The following PDE1A variants were observed in gnomAD, a reference collection of about 807,000 sequenced individuals.
PDE1A encodes the protein dual specificity calcium/calmodulin-dependent 3',5'-cyclic nucleotide phosphodiesterase 1A.
PDE1A carries 35 observed loss-of-function variants against 61.7 expected under a neutral mutation model. The ratio of observed to expected loss-of-function variants is 0.57; its 90% CI spans 0.43 to 0.75. The LOEUF (loss-of-function observed/expected upper bound fraction) is 0.75. PDE1A is among the 30% of genes least tolerant of loss of function. The probability of loss-of-function intolerance (pLI) is 0.00; values close to 1 mark genes in which losing one functional copy is unlikely to be tolerated. For synonymous variants in PDE1A, 232 were observed against 213.2 expected (o/e 1.09, Z -0.77); for missense variants, 597 against 630.6 (o/e 0.95, Z 0.57).
chr2:182,365,309 C>A lies in PDE1A; in HGVS notation c.53+61269G>T, dbSNP rs889861683. ...ATATAGGTGATTCCTCTTTTGCAAG[C>A]TAACCATTAAAATAACTCATTATTT... On this transcript the variant is annotated intron_variant, in intron 1 of 13. Coordinates refer to ENST00000351439, the Ensembl canonical transcript of PDE1A. Among the ~76,000 whole-genome samples, 4 of 152,088 alleles carry A rather than the reference C, an allele frequency of 2.6e-5. No individual in the cohort carries two copies. In the South Asian group the frequency reaches 6.2e-4, roughly 24 times the overall value.
chr2:182,695,666 CAAAAAAAAAAAAAAAAAAA>C, the PDE1A span, among the ~76,000 whole-genome samples: 1 of 32,902 alleles, frequency 3.0e-5, no homozygotes, highest in Admixed American at 4.1e-4. Flanking sequence ...GGCCCTCTCT[CAAAAAAAAAAAAAAAAAAA>C]GAAAAAGAAA....
At chr2:182,379,288 T>G (rs2125301230) in intron 1 of PDE1A, among the ~76,000 whole-genome samples, 1 of 152,346 alleles carries the variant, frequency 6.6e-6, no homozygotes, top group East Asian at 1.9e-4. Context: ...TCCTGCAATG[T>G]TAAAAGCCAG....
the PDE1A span, among the ~76,000 whole-genome samples, chr2:182,687,283 C>G: frequency 6.6e-6 from 1 of 152,200 alleles, no homozygotes; most frequent in Non-Finnish European, 1.5e-5. Flanking sequence ...AGGCACCCCC[C>G]AGTAGGGGCA....
chr2:182,597,738 C>T, the PDE1A span, among the ~76,000 whole-genome samples: 2 of 152,164 alleles, frequency 1.3e-5, no homozygotes, highest in African/African-American at 2.4e-5. Context: ...CAGGCATTGT[C>T]AAGTCCCCAG....
chr2:182,423,209 C>T (rs1285181440), intron 1 of PDE1A, among the ~76,000 whole-genome samples: 1 of 152,050 alleles, frequency 6.6e-6, no homozygotes, highest in Non-Finnish European at 1.5e-5. Context: ...AAAATATATA[C>T]CTAAAATTTC....
At chr2:182,646,608 C>T in the PDE1A span, among the ~76,000 whole-genome samples, 61,399 of 151,216 alleles carry the variant, frequency 0.41, 13,912 homozygotes, top group Admixed American at 0.54. Flanking sequence ...CGCTTGAACC[C>T]GGGAGGCGGA....
chr2:182,406,833 A>C (rs930564128), intron 1 of PDE1A, among the ~76,000 whole-genome samples: 1 of 152,082 alleles, frequency 6.6e-6, no homozygotes, highest in South Asian at 2.1e-4. Flanking sequence ...TTTTAAAATT[A>C]TATTAATAAA....
intron 2 of PDE1A, among the ~76,000 whole-genome samples, chr2:182,440,579 T>A (rs1049402438): frequency 6.7e-6 from 1 of 148,190 alleles, no homozygotes; most frequent in Admixed American, 6.7e-5. Flanking sequence ...ATTTCTGCAT[T>A]ATTAAAACAA....
intron 13 of PDE1A, among the ~76,000 whole-genome samples, chr2:182,161,776 T>G (rs1464234450): frequency 6.6e-6 from 1 of 152,102 alleles, no homozygotes; most frequent in African/African-American, 2.4e-5. Context: ...GAATGGATAT[T>G]AAGGATGTGG....
intron 2 of PDE1A, among the ~76,000 whole-genome samples, chr2:182,440,603 T>C (rs1684726843): frequency 6.6e-6 from 1 of 152,068 alleles, no homozygotes; most frequent in Admixed American, 6.6e-5. Context: ...ATATTCTAAA[T>C]AAAATACTTT....
rs1051333533 is a variant in PDE1A, at chr2:182,213,133, G to A, written c.777-7068C>T. Among the ~76,000 whole-genome samples the A allele has an allele frequency of 1.4e-4, 21 of 150,830 alleles. 1 individual carries two copies. The East Asian group carries it at 2.0e-3, about 14-fold the overall frequency. On this transcript the variant is annotated intron_variant, in intron 7 of 13. Coordinates refer to ENST00000351439, the Ensembl canonical transcript of PDE1A. ...CCCTGACCCCCGAGCAGCCTAACTGGGAGGCACCCCCCAGCAGGGGCAGAC... is the reference window on the plus strand; with the variant it reads ...CCCTGACCCCCGAGCAGCCTAACTGAGAGGCACCCCCCAGCAGGGGCAGAC...
At chr2:182,528,833 C>T in the PDE1A span, among the ~76,000 whole-genome samples, 3 of 152,218 alleles carry the variant, frequency 2.0e-5, no homozygotes, top group Admixed American at 2.0e-4. Flanking sequence ...AAGCCCCAAG[C>T]CTTGGCAGCT....
chr2:182,611,496 G>A, the PDE1A span, among the ~76,000 whole-genome samples: 1 of 152,182 alleles, frequency 6.6e-6, no homozygotes, highest in Non-Finnish European at 1.5e-5. Flanking sequence ...TAGACAGTCT[G>A]TAAATTTAAA....
At chr2:182,348,948 G>A (rs752521120) in intron 1 of PDE1A, among the ~76,000 whole-genome samples, 8 of 152,090 alleles carry the variant, frequency 5.3e-5, no homozygotes, top group South Asian at 4.1e-4. Context: ...TTGAATTTCC[G>A]TAAAAAGTGT....
intron 1 of PDE1A, among the ~76,000 whole-genome samples, chr2:182,295,057 C>CTTTTATTTTTT (rs1694785764): frequency 1.7e-5 from 1 of 59,350 alleles, no homozygotes; most frequent in Non-Finnish European, 3.0e-5. Context: ...AAAAGGTAAT[C>CTTTTATTTTTT]TTTTTTTTTT....
intron 2 of PDE1A, among the ~76,000 whole-genome samples, chr2:182,464,015 T>C (rs1574721771): frequency 6.6e-6 from 1 of 152,216 alleles, no homozygotes; most frequent in Non-Finnish European, 1.5e-5. Context: ...ACTCTATCTG[T>C]TAGATAAGTG....
chr2:182,218,241 G>A (rs1275049689), intron 7 of PDE1A, among the ~76,000 whole-genome samples: 1 of 142,858 alleles, frequency 7.0e-6, no homozygotes, highest in African/African-American at 2.6e-5. Context: ...GACACAGGAA[G>A]GGGAACATCA....
intron 1 of PDE1A, among the ~76,000 whole-genome samples, chr2:182,387,984 G>A (rs1380512669): frequency 6.6e-6 from 1 of 152,048 alleles, no homozygotes; most frequent in Non-Finnish European, 1.5e-5. Context: ...TGAAGGGATA[G>A]AAAAAGATAT....
chr2:182,300,036 T>TC (rs916092671), intron 1 of PDE1A, among the ~76,000 whole-genome samples: 9 of 152,186 alleles, frequency 5.9e-5, no homozygotes, highest in African/African-American at 2.2e-4. Context: ...TTTGTAGTAG[T>TC]CCAGTTGTCT....
Sources: allele counts gnomAD v4.1 joint callset (sites outside exome capture counted in the v4.1 genomes callset), GRCh38; gene constraint gnomAD v4.1.1; transcripts MANE v1.5; gene names NCBI Gene and HGNC (gene_info 2026-07-23, HGNC 2026-07-21).